RGS7: variants seen among roughly 807,000 people sequenced by gnomAD.
The protein encoded by RGS7 is regulator of G protein signaling 7.
In RGS7, 27 loss-of-function variants were observed where a neutral mutation model predicts 81.1. The observed-to-expected ratio is 0.33, with a 90% CI of 0.25 to 0.46. The LOEUF (loss-of-function observed/expected upper bound fraction) is 0.46. Among genes scored for constraint, RGS7 ranks in the 20% least tolerant of loss-of-function variants. The pLI is 1.00. For missense variants in RGS7, 396 were observed against 607.4 expected (o/e 0.65, Z 3.66); for synonymous variants, 208 against 207.7 (o/e 1.00, Z -0.01).
chr1:241,222,594 A>G (rs1383271540), intron 2 of RGS7, among the ~76,000 whole-genome samples: 1 of 152,160 alleles, frequency 6.6e-6, no homozygotes, highest in Non-Finnish European at 1.5e-5. Context: ...TATTAATAGT[A>G]CCAAGAGGAT....
chr1:240,816,992 C>G (rs1462058632), intron 10 of RGS7, among the ~76,000 whole-genome samples: 2 of 152,126 alleles, frequency 1.3e-5, no homozygotes, highest in African/African-American at 2.4e-5. Flanking sequence ...GTGCCATTTG[C>G]AAACATCAGT....
intron 2 of RGS7, among the ~76,000 whole-genome samples, chr1:241,138,177 CAAAA>C (rs57697166): frequency 1.7e-5 from 2 of 115,410 alleles, no homozygotes; most frequent in Admixed American, 8.6e-5. Flanking sequence ...ATCTCAAAAA[CAAAA>C]AAAAAAAAAA....
chr1:241,131,329 C>G (rs1572826571), intron 2 of RGS7, among the ~76,000 whole-genome samples: 1 of 152,172 alleles, frequency 6.6e-6, no homozygotes, highest in East Asian at 1.9e-4. Flanking sequence ...TTCACTCTTT[C>G]TAGAACAATA....
At chr1:240,907,552 G>A (rs915704795) in intron 6 of RGS7, among the ~76,000 whole-genome samples, 1 of 152,024 alleles carries the variant, frequency 6.6e-6, no homozygotes. Flanking sequence ...TTTTTTGGCA[G>A]ATCACTTGAG....
chr1:241,075,411 G>A (rs912763936), intron 3 of RGS7, among the ~76,000 whole-genome samples: 2 of 152,056 alleles, frequency 1.3e-5, no homozygotes, highest in Non-Finnish European at 2.9e-5. Flanking sequence ...CCCTTTTGAC[G>A]AGGAGAAAAA....
At chr1:240,895,630 T>C (rs261814) in intron 6 of RGS7, among the ~76,000 whole-genome samples, 52,367 of 152,080 alleles carry the variant, frequency 0.34, 9,425 homozygotes, top group East Asian at 0.51. Context: ...TCCTTTTTTA[T>C]GGCTGCATAG....
In RGS7 at chr1:241,005,263, A is replaced by G. The variant is rs144253250; in HGVS notation, c.176-22134T>C. Among the ~76,000 whole-genome samples the G allele has an allele frequency of 5.7e-4, 87 of 152,358 alleles. 1 individual carries two copies. Among genetic ancestry groups the G allele is most frequent in the African/African-American group, 2.0e-3 (85 of 41,576 alleles). On this transcript the variant is annotated intron_variant, in intron 3 of 18. Transcript: ENST00000440928. ...AGGTATAGCCCTATTTGACAGAGGGATAATTTATACATACAGTTTTGCACA... is the reference window on the plus strand; with the variant it reads ...AGGTATAGCCCTATTTGACAGAGGGGTAATTTATACATACAGTTTTGCACA...
chr1:240,805,702 T>C (rs16840687), intron 15 of RGS7, among the ~76,000 whole-genome samples: 6,532 of 152,288 alleles, frequency 0.043, 146 homozygotes, highest in East Asian at 0.1. Context: ...CTAATTCAGT[T>C]TGAATAATTT....
intron 3 of RGS7, among the ~76,000 whole-genome samples, chr1:241,026,797 G>C (rs887059273): frequency 6.8e-6 from 1 of 146,496 alleles, no homozygotes; most frequent in African/African-American, 2.5e-5. Context: ...GTGAGTGAGA[G>C]GGACTACTTG....
At chr1:240,900,319 T>C (rs1479426511) in intron 6 of RGS7, among the ~76,000 whole-genome samples, 1 of 152,196 alleles carries the variant, frequency 6.6e-6, no homozygotes, top group East Asian at 1.9e-4. Context: ...CCATCCAGCT[T>C]TGTTCCGTTG....
At chr1:240,908,425 A>AT (rs554767089) in intron 6 of RGS7, among the ~76,000 whole-genome samples, 102 of 152,290 alleles carry the variant, frequency 6.7e-4, no homozygotes, top group Middle Eastern at 3.4e-3. Flanking sequence ...GCCTACACAA[A>AT]TGAATGAATG....
At chr1:241,066,972 T>C (rs2062099978) in intron 3 of RGS7, among the ~76,000 whole-genome samples, 1 of 152,222 alleles carries the variant, frequency 6.6e-6, no homozygotes, top group South Asian at 2.1e-4. Context: ...TACAGTGTGC[T>C]CTACTTTGCA....
intron 2 of RGS7, among the ~76,000 whole-genome samples, chr1:241,127,743 AAT>A (rs2066773209): frequency 3.9e-5 from 6 of 152,366 alleles, no homozygotes; most frequent in Admixed American, 3.3e-4. Flanking sequence ...AATTGAAATT[AAT>A]AGAAGTAAAA....
rs1391107718 is a variant in RGS7 at position 240,868,155 on chromosome 1, A to G, written c.609+432T>C. Among the ~76,000 whole-genome samples, 2 of 148,886 alleles carry G rather than the reference A, an allele frequency of 1.3e-5. No homozygotes were observed. Among genetic ancestry groups the G allele is most frequent in the Non-Finnish European group, 3.0e-5 (2 of 67,330 alleles). ...GAAAGAAAGAAAGAAAGAAAGAAAG[A>G]AAGGACGGAGGGAGGGAAGGACGAA... On this transcript the variant is annotated intron_variant, in intron 9 of 18. Coordinates refer to ENST00000440928, the MANE Select transcript of RGS7 (RefSeq NM_001364886.1). The surrounding 1 kb of genome is among the most constrained non-coding windows in gnomAD (Gnocchi z 5.1).
chr1:240,997,907 T>C (rs573070887), intron 3 of RGS7, among the ~76,000 whole-genome samples: 3 of 152,356 alleles, frequency 2.0e-5, no homozygotes, highest in Non-Finnish European at 2.9e-5. Context: ...TTTGTTCTTA[T>C]CTGATATTCC....
intron 2 of RGS7, among the ~76,000 whole-genome samples, chr1:241,146,754 T>A (rs769430233): frequency 3.3e-5 from 5 of 152,230 alleles, no homozygotes; most frequent in Non-Finnish European, 7.3e-5. Context: ...GAGTGTCTTA[T>A]ACACAACAGG....
intron 2 of RGS7, among the ~76,000 whole-genome samples, chr1:241,230,831 G>T (rs12139625): frequency 0.15 from 23,415 of 152,188 alleles, 2,286 homozygotes; most frequent in Non-Finnish European, 0.2. Flanking sequence ...CACTTTGGTT[G>T]TCCCCATATT....
chr1:241,218,622 G>T (rs984560138), intron 2 of RGS7, among the ~76,000 whole-genome samples: 1 of 151,922 alleles, frequency 6.6e-6, no homozygotes, highest in South Asian at 2.1e-4. Context: ...AGACTTAAGT[G>T]GGGGGGTCCC....
intron 6 of RGS7, among the ~76,000 whole-genome samples, chr1:240,928,320 G>A (rs1330519485): frequency 6.6e-6 from 1 of 152,046 alleles, no homozygotes; most frequent in Non-Finnish European, 1.5e-5. Flanking sequence ...TTGGTTTCTT[G>A]GCTCCTTCTG....
Sources: allele counts gnomAD v4.1 joint callset (sites outside exome capture counted in the v4.1 genomes callset), GRCh38; gene constraint gnomAD v4.1.1; non-coding constraint Gnocchi (gnomAD v3.1); transcripts MANE v1.5; gene names NCBI Gene and HGNC (gene_info 2026-07-23, HGNC 2026-07-21).